The following KIAA1671 variants were observed in gnomAD, a reference collection of about 807,000 sequenced individuals.
The protein encoded by KIAA1671 is uncharacterized protein KIAA1671.
A neutral mutation model predicts 131.2 loss-of-function variants in KIAA1671; 52 were observed. The ratio of observed to expected loss-of-function variants is 0.40; its 90% CI spans 0.32 to 0.50. The LOEUF (loss-of-function observed/expected upper bound fraction) is 0.50. Among genes scored for constraint, KIAA1671 ranks in the 20% least tolerant of loss-of-function variants. The pLI is 0.73. For synonymous variants in KIAA1671, 1,003 were observed against 961.6 expected (o/e 1.04, Z -0.80); for missense variants, 2,360 against 2,364.2 (o/e 1.00, Z 0.04).
chr22:25,007,047 G>C (rs1225959957), intron 1 of KIAA1671, among the ~76,000 whole-genome samples: 5 of 152,104 alleles, frequency 3.3e-5, no homozygotes, highest in Non-Finnish European at 7.3e-5. Flanking sequence ...ATGCCTCTGA[G>C]CCTCACACTG....
chr22:25,059,198 G>A (rs1205831497), intron 6 of KIAA1671: 1 of 152,286 alleles, frequency 6.6e-6, no homozygotes, highest in Non-Finnish European at 1.5e-5. Context: ...CAGGCATGGT[G>A]GCTCATGCCT....
At chr22:25,187,585 T>C (rs1396060733) in intron 11 of KIAA1671, among the ~76,000 whole-genome samples, 3 of 152,186 alleles carry the variant, frequency 2.0e-5, no homozygotes, top group African/African-American at 7.2e-5. Context: ...GGCATGATTA[T>C]AGCCTCGACC....
intron 6 of KIAA1671, among the ~76,000 whole-genome samples, chr22:25,088,508 G>A (rs939288967): frequency 3.3e-5 from 5 of 152,222 alleles, no homozygotes; most frequent in Non-Finnish European, 2.9e-5. Context: ...CACCACTAAG[G>A]AAGGGGTGAC....
intron 1 of KIAA1671, among the ~76,000 whole-genome samples, chr22:25,015,865 C>G (rs952503100): frequency 2.9e-4 from 44 of 152,264 alleles, no homozygotes; most frequent in African/African-American, 1.0e-3. Flanking sequence ...GGAGTCAAGA[C>G]TTTGCTAATT....
chr22:25,067,511 C>T (rs1928544836), intron 6 of KIAA1671, among the ~76,000 whole-genome samples: 1 of 152,022 alleles, frequency 6.6e-6, no homozygotes, highest in South Asian at 2.1e-4. Context: ...TCTCGTCTTT[C>T]TCTTTTTCTC....
intron 6 of KIAA1671, among the ~76,000 whole-genome samples, chr22:25,093,764 C>G (rs369204292): frequency 6.5e-5 from 7 of 107,720 alleles, no homozygotes; most frequent in South Asian, 3.2e-4. Flanking sequence ...CTCTCTCTCT[C>G]TCTGTCTCTC....
At chr22:25,170,985 C>A in intron 7 of KIAA1671, 47 bp downstream of exon 7, 2 of 1,471,190 alleles carry the variant, frequency 1.4e-6, no homozygotes, top group Non-Finnish European at 9.3e-7. Context: ...GGCAGCTGGG[C>A]TGGAGTTGCT....
intron 6 of KIAA1671, chr22:25,050,634 T>C (rs1166965121): frequency 2.0e-5 from 3 of 152,228 alleles, no homozygotes; most frequent in Non-Finnish European, 4.4e-5. Context: ...TGGCATGGTT[T>C]GTGCTAGGAG....
In KIAA1671 at chr22:25,181,578, G is replaced by A. The variant is rs1934276555; in HGVS notation, c.5075-121G>A. ...GTCCTCATCTGTAAAATGGGCCATA[G>A]CGTCTTCTGTGCAGGTCTGATGTGA... On this transcript the variant is annotated intron_variant, in intron 9 of 12. Transcript: ENST00000358431. The A allele has an allele frequency of 2.5e-6, 3 of 1,212,528 alleles. No homozygotes were observed. In the South Asian group the frequency reaches 4.5e-5, roughly 18 times the overall value. 75.1% of individuals were successfully genotyped at this position (1,212,528 alleles called of 1,614,324 possible).
chr22:25,177,357 G>A lies in KIAA1671; in HGVS notation c.4909G>A (p.Val1637Ile). 1 of 1,550,266 alleles carries A rather than the reference G, an allele frequency of 6.5e-7. No individual in the cohort carries two copies. Among genetic ancestry groups the A allele is most frequent in the Non-Finnish European group, 8.7e-7 (1 of 1,146,300 alleles). Residue 1637 changes from valine (V) to isoleucine (I), a missense_variant, in exon 9 of 13, where the codon GTC (valine) becomes ATC (isoleucine). Val to Ile is a conservative substitution (Grantham distance 29, BLOSUM62 3). Transcript: ENST00000358431. ...CCTGCTGCTCCCAAAGCAAACCTCA[G>A]TCCTCGACTCAAGTGCCCTCAAGAC... ...DDFSFIDQTS[V>I]LDSSALKTRV...
At chr22:25,081,212 G>A (rs1929389663) in intron 6 of KIAA1671, among the ~76,000 whole-genome samples, 1 of 152,160 alleles carries the variant, frequency 6.6e-6, no homozygotes, top group South Asian at 2.1e-4. Context: ...TTTCTCTGTA[G>A]GTATAATGAA....
chr22:25,079,762 C>G (rs966021536), intron 6 of KIAA1671, among the ~76,000 whole-genome samples: 19 of 152,288 alleles, frequency 1.2e-4, no homozygotes, highest in African/African-American at 4.3e-4. Context: ...TGCAGTCACT[C>G]TAAGGACTGT....
chr22:25,160,649 A>T (rs1202216427), intron 6 of KIAA1671, among the ~76,000 whole-genome samples: 1 of 151,986 alleles, frequency 6.6e-6, no homozygotes, highest in Admixed American at 6.5e-5. Flanking sequence ...CAGCCAGGAG[A>T]TCAGCCCAGA....
At chr22:25,105,321 C>T (rs1930941731) in intron 6 of KIAA1671, among the ~76,000 whole-genome samples, 1 of 152,088 alleles carries the variant, frequency 6.6e-6, no homozygotes, top group Non-Finnish European at 1.5e-5. Flanking sequence ...CACGCCTGGC[C>T]CATTTTCTGA....
intron 6 of KIAA1671, among the ~76,000 whole-genome samples, chr22:25,089,043 C>A (rs1168411349): frequency 1.3e-5 from 2 of 152,010 alleles, no homozygotes; most frequent in African/African-American, 2.4e-5. Flanking sequence ...GGCATTATTC[C>A]CTAAACAATA....
In KIAA1671 at chr22:24,990,714, A is replaced by G. The variant is rs550352058; in HGVS notation, c.-207-34919A>G. 6.6e-5 allele frequency among the ~76,000 whole-genome samples: 10 copies of G among 152,222 alleles called. No individual in the cohort carries two copies. The East Asian group carries it at 1.9e-3, about 30-fold the overall frequency. On this transcript the variant is annotated intron_variant, in intron 1 of 12. Transcript: ENST00000358431. Reference sequence around the variant, plus strand: ...CCCTTCCTTGAAGGGTGGAGCAACCATGGTCCTCTGGTGACCCTACCTTGC... The same window carrying G: ...CCCTTCCTTGAAGGGTGGAGCAACCGTGGTCCTCTGGTGACCCTACCTTGC...
chr22:25,007,147 A>G (rs2064136), intron 1 of KIAA1671, among the ~76,000 whole-genome samples: 30,920 of 151,974 alleles, frequency 0.2, 3,326 homozygotes, highest in East Asian at 0.45. Context: ...TTGCCAGAAC[A>G]CCTGCTGTAA....
At chr22:25,037,248 G>T (rs1254473732) in intron 4 of KIAA1671, among the ~76,000 whole-genome samples, 1 of 152,172 alleles carries the variant, frequency 6.6e-6, no homozygotes, top group African/African-American at 2.4e-5. Context: ...GCTTGAATCC[G>T]GAAGGCGGAG....
intron 6 of KIAA1671, among the ~76,000 whole-genome samples, chr22:25,156,012 CTTTTTT>C (rs57822676): frequency 0.01 from 353 of 35,244 alleles, 2 homozygotes; most frequent in East Asian, 0.097. Context: ...TGTGTATGTG[CTTTTTT>C]TTTTTTTTTT....
Sources: allele counts gnomAD v4.1 joint callset (sites outside exome capture counted in the v4.1 genomes callset), GRCh38; gene constraint gnomAD v4.1.1; transcripts MANE v1.5; gene names NCBI Gene and HGNC (gene_info 2026-07-23, HGNC 2026-07-21).